The following DSCAML1 variants were observed in gnomAD, a reference collection of about 807,000 sequenced individuals.
The protein encoded by DSCAML1 is DS cell adhesion molecule like 1.
Under a neutral mutation model 200.5 loss-of-function variants are expected in DSCAML1, and 38 were observed. The observed-to-expected ratio is 0.19, with a 90% CI of 0.15 to 0.25. The LOEUF is 0.25. Among genes scored for constraint, DSCAML1 ranks in the 10% least tolerant of loss-of-function variants. The pLI, the probability that DSCAML1 is intolerant of heterozygous loss-of-function variation, is 1.00. For missense variants in DSCAML1, 2,223 were observed against 2,858.8 expected, an observed-to-expected ratio of 0.78 and a Z score of 5.07; for synonymous variants, 1,215 against 1,165.0, an observed-to-expected ratio of 1.04 and a Z score of -0.87.
rs1421805875 is a variant in DSCAML1 at position 117,505,074 on chromosome 11, C to T, written c.2063-31G>A. 6.3e-7 allele frequency: 1 copy of T among 1,596,912 alleles called. No individual in the cohort carries two copies. The highest frequency in any genetic ancestry group is 8.6e-7 in the Non-Finnish European group (1 of 1,169,052). On this transcript the variant is annotated intron_variant, in intron 9 of 32. Transcript: ENST00000651296. This position sits in a 1 kb window ranked among gnomAD's most constrained non-coding sequence, Gnocchi z 6.7. ...GAAAGAGGGAAGGTAGGGAAACAGACCATTTTAGTCTCTGATGGGTCTCCT... is the reference window on the plus strand; with the variant it reads ...GAAAGAGGGAAGGTAGGGAAACAGATCATTTTAGTCTCTGATGGGTCTCCT...
intron 3 of DSCAML1, among the ~76,000 whole-genome samples, chr11:117,645,911 TAAATA>T (rs1030246103): frequency 1.1e-4 from 17 of 151,802 alleles, no homozygotes; most frequent in Admixed American, 2.0e-4. Flanking sequence ...AATAAATAAA[TAAATA>T]AAAGAAAAAA....
In DSCAML1 at chr11:117,489,772, C is replaced by T. The variant is rs1218756425; in HGVS notation, c.2360-7610G>A. ...GGCTCTTCCCTGACACCCCACATTG[C>T]ATGCAGGCCTCTCCTGCGGGGCATC... On this transcript the variant is annotated intron_variant, in intron 11 of 32. Coordinates refer to ENST00000651296, the MANE Select transcript of DSCAML1 (RefSeq NM_020693.4). This position sits in a 1 kb window ranked among gnomAD's most constrained non-coding sequence, Gnocchi z 4.8. Among the ~76,000 whole-genome samples the T allele has an allele frequency of 2.6e-5, 4 of 152,184 alleles. No homozygotes were observed. Among genetic ancestry groups the T allele is most frequent in the Admixed American group, 2.6e-4 (4 of 15,290 alleles).
intron 3 of DSCAML1, among the ~76,000 whole-genome samples, chr11:117,593,772 C>T (rs1045172826): frequency 2.0e-5 from 3 of 147,872 alleles, no homozygotes; most frequent in East Asian, 2.0e-4. Flanking sequence ...AGTGCAGTGG[C>T]GTGATCTCGG....
chr11:117,578,234 T>TC (rs1198161065), intron 3 of DSCAML1, among the ~76,000 whole-genome samples: 1 of 29,812 alleles, frequency 3.4e-5, no homozygotes, highest in Admixed American at 3.3e-4. Context: ...AAACTCTGTC[T>TC]CGAAAAAAAA....
At chr11:117,565,063 G>A (rs183044774) in intron 3 of DSCAML1, among the ~76,000 whole-genome samples, 5 of 152,116 alleles carry the variant, frequency 3.3e-5, no homozygotes, top group African/African-American at 7.2e-5. Flanking sequence ...CACTGTGCCC[G>A]GCCAAACCTC....
intron 14 of DSCAML1, among the ~76,000 whole-genome samples, chr11:117,472,239 G>C (rs1182132688): frequency 6.6e-6 from 1 of 152,192 alleles, no homozygotes; most frequent in Non-Finnish European, 1.5e-5. Context: ...GGAGAAGCCT[G>C]ACTCTCCTCT....
At chr11:117,522,713 C>T (rs537603708) in intron 5 of DSCAML1, among the ~76,000 whole-genome samples, 6 of 152,220 alleles carry the variant, frequency 3.9e-5, no homozygotes, top group Non-Finnish European at 8.8e-5. Flanking sequence ...AGTCGCCAGC[C>T]GGAGCTCCCA....
chr11:117,454,714 A>G (rs2048341954), intron 19 of DSCAML1, among the ~76,000 whole-genome samples: 1 of 152,200 alleles, frequency 6.6e-6, no homozygotes, highest in African/African-American at 2.4e-5. Context: ...AATTTGTGGC[A>G]TCTGCTGATG....
At chr11:117,574,592 C>G (rs1031886601) in intron 3 of DSCAML1, among the ~76,000 whole-genome samples, 1 of 152,124 alleles carries the variant, frequency 6.6e-6, no homozygotes, top group African/African-American at 2.4e-5. Flanking sequence ...TGGTGCCTCC[C>G]CTTATCATCT....
At chr11:117,444,527 TGCAGGCAGCAC>T (rs2048137396) in intron 20 of DSCAML1, among the ~76,000 whole-genome samples, 1 of 152,214 alleles carries the variant, frequency 6.6e-6, no homozygotes, top group Admixed American at 6.5e-5. Flanking sequence ...TCCTGCATTT[TGCAGGCAGCAC>T]GCCCGCCCGT....
chr11:117,515,579 G>A (rs1202174498), intron 8 of DSCAML1, among the ~76,000 whole-genome samples: 2 of 149,778 alleles, frequency 1.3e-5, no homozygotes, highest in Non-Finnish European at 3.0e-5. Context: ...ACCTCACCCA[G>A]GTGGATGTCA....
intron 2 of DSCAML1, among the ~76,000 whole-genome samples, chr11:117,778,012 G>A (rs1433460209): frequency 2.0e-5 from 3 of 152,142 alleles, no homozygotes; most frequent in Non-Finnish European, 4.4e-5. Context: ...TGGTTGCCAG[G>A]GTGACACTTA....
chr11:117,769,499 TAA>T (rs1491459929), intron 3 of DSCAML1, among the ~76,000 whole-genome samples: 3,996 of 79,452 alleles, frequency 0.05, 190 homozygotes, highest in African/African-American at 0.13. Context: ...TTTATATATA[TAA>T]TATATATTTT....
At chr11:117,753,250 T>C (rs957040505) in intron 3 of DSCAML1, among the ~76,000 whole-genome samples, 2 of 152,142 alleles carry the variant, frequency 1.3e-5, no homozygotes, top group Admixed American at 6.5e-5. Flanking sequence ...CCTCAATAAA[T>C]GATGATGGTG....
chr11:117,811,071 G>A (rs180697087), intron 1 of DSCAML1, among the ~76,000 whole-genome samples: 218 of 152,166 alleles, frequency 1.4e-3, no homozygotes, highest in Non-Finnish European at 1.7e-3. Flanking sequence ...TTACAGTTTC[G>A]TTCTGTGACT....
intron 3 of DSCAML1, among the ~76,000 whole-genome samples, chr11:117,695,044 C>T (rs999436274): frequency 2.0e-5 from 3 of 151,908 alleles, no homozygotes; most frequent in Non-Finnish European, 4.4e-5. Context: ...GCTTGGCAGC[C>T]GTATGGTGGA....
chr11:117,481,091 C>T (rs2048905807), intron 13 of DSCAML1, 83 bp downstream of exon 13: 3 of 1,324,792 alleles, frequency 2.3e-6, no homozygotes, highest in African/African-American at 1.4e-5. Context: ...TAGGCTGTGG[C>T]CCCTGCTCTT....
At position 117,726,671 on chromosome 11, in the gene DSCAML1, C is replaced by T. The variant is rs554193061; in HGVS notation, c.511+50120G>A. Among the ~76,000 whole-genome samples, 7 of 152,288 alleles carry T rather than the reference C, an allele frequency of 4.6e-5. No homozygotes were observed. The South Asian group carries it at 1.5e-3, about 32-fold the overall frequency. On this transcript the variant is annotated intron_variant, in intron 3 of 32. Coordinates refer to ENST00000651296, the MANE Select transcript of DSCAML1 (RefSeq NM_020693.4). ...CAAGATCTAGTGTTCAAGCCATCTG[C>T]TGAGTAAGCCAGGGTGGCACTGCAG... is the stretch of plus-strand genomic sequence containing the variant.
At chr11:117,534,268 G>T (rs755779538) in intron 3 of DSCAML1, among the ~76,000 whole-genome samples, 1 of 152,204 alleles carries the variant, frequency 6.6e-6, no homozygotes, top group Non-Finnish European at 1.5e-5. Context: ...GGACCTCACC[G>T]TAGGGCACCT....
Sources: allele counts gnomAD v4.1 joint callset (sites outside exome capture counted in the v4.1 genomes callset), GRCh38; gene constraint gnomAD v4.1.1; non-coding constraint Gnocchi (gnomAD v3.1); transcripts MANE v1.5; gene names NCBI Gene and HGNC (gene_info 2026-07-23, HGNC 2026-07-21).